The following WARS2 variants were observed in gnomAD, a reference collection of about 807,000 sequenced individuals.
WARS2 encodes tryptophan--tRNA ligase, mitochondrial.
In WARS2, 28 loss-of-function variants were observed where a neutral mutation model predicts 36.5. The ratio of observed to expected loss-of-function variants is 0.77; its 90% CI spans 0.57 to 1.05. The LOEUF (loss-of-function observed/expected upper bound fraction) is 1.05. Among genes scored for constraint, WARS2 ranks in the 50% least tolerant of loss-of-function variants. The pLI, the probability that WARS2 is intolerant of heterozygous loss-of-function variation, is 0.00. For synonymous variants in WARS2, 174 were observed against 178.4 expected, an observed-to-expected ratio of 0.98 and a Z score of 0.20; for missense variants, 435 against 456.8, an observed-to-expected ratio of 0.95 and a Z score of 0.44.
intron 1 of WARS2, among the ~76,000 whole-genome samples, chr1:119,098,389 A>G (rs1055823895): frequency 6.6e-6 from 1 of 152,216 alleles, no homozygotes; most frequent in Non-Finnish European, 1.5e-5. Context: ...CTCACTTTAA[A>G]GTTCAGAGTA....
Position 119,033,332 on chromosome 1 carries a change from C to T in WARS2, c.662G>A (p.Arg221His). 13 of 1,614,186 alleles carry T rather than the reference C, an allele frequency of 8.1e-6. No homozygotes were observed. The highest frequency in any genetic ancestry group is 1.1e-5 in the Non-Finnish European group (13 of 1,180,038). Residue 221 changes from arginine (R) to histidine (H), a missense_variant, in exon 6 of 6, where the codon CGT becomes CAT. By Grantham distance (29) the Arg-to-His change is conservative (BLOSUM62 0). Transcript: ENST00000235521. ...LTSMKKVKSL[R>H]DPSAKMSKSD... ...TTTCGACATTTTGGCAGAAGGATCA[C>T]GTAGGGATTTTACCTTCTTCATGGA...
At chr1:119,068,762 A>G (rs1651068699) in intron 2 of WARS2, among the ~76,000 whole-genome samples, 1 of 152,086 alleles carries the variant, frequency 6.6e-6, no homozygotes, top group Non-Finnish European at 1.5e-5. Context: ...GTGGGGATGG[A>G]AACCTCTGCT....
chr1:119,137,750 C>A, intron 1 of WARS2, among the ~76,000 whole-genome samples: 1 of 152,074 alleles, frequency 6.6e-6, no homozygotes, highest in East Asian at 1.9e-4. Flanking sequence ...CAAAATAAAC[C>A]GTTTTCATAT....
At chr1:119,114,135 C>T (rs747022022) in intron 1 of WARS2, among the ~76,000 whole-genome samples, 4 of 152,152 alleles carry the variant, frequency 2.6e-5, no homozygotes, top group African/African-American at 4.8e-5. Context: ...TTAAGTAACT[C>T]AGGTAGGAGA....
At chr1:119,071,217 A>G (rs1336757507) in intron 2 of WARS2, among the ~76,000 whole-genome samples, 1 of 152,216 alleles carries the variant, frequency 6.6e-6, no homozygotes, top group Non-Finnish European at 1.5e-5. Context: ...ATGTGGAGAA[A>G]AGGGAACCCA....
intron 1 of WARS2, among the ~76,000 whole-genome samples, chr1:119,090,347 C>T (rs1002213204): frequency 2.0e-5 from 3 of 152,062 alleles, no homozygotes; most frequent in Admixed American, 1.3e-4. Context: ...GCTGTGCTTC[C>T]TTGTACAAAT....
chr1:119,138,604 G>A (rs191414522), intron 1 of WARS2, among the ~76,000 whole-genome samples: 1 of 151,792 alleles, frequency 6.6e-6, no homozygotes, highest in Non-Finnish European at 1.5e-5. Context: ...CTATGTATAC[G>A]TTTATATAAA....
chr1:119,104,975 A>T (rs1414738923), intron 1 of WARS2, among the ~76,000 whole-genome samples: 1 of 152,186 alleles, frequency 6.6e-6, no homozygotes, highest in Non-Finnish European at 1.5e-5. Flanking sequence ...AATCAGATTT[A>T]TATTTTACAA....
intron 1 of WARS2, among the ~76,000 whole-genome samples, chr1:119,122,771 G>A (rs1010584227): frequency 2.6e-5 from 4 of 152,150 alleles, no homozygotes; most frequent in Non-Finnish European, 5.9e-5. Context: ...ACTATTCTAA[G>A]TGAAGTAACT....
chr1:119,039,768 C>G (rs67639146), intron 4 of WARS2, among the ~76,000 whole-genome samples: 9,004 of 152,064 alleles, frequency 0.059, 305 homozygotes, highest in South Asian at 0.11. Context: ...TCTGACCCAC[C>G]ATGCCACTCA....
At chr1:119,082,367 T>G in intron 1 of WARS2, 1 of 985,420 alleles carries the variant, frequency 1.0e-6, no homozygotes, top group Non-Finnish European at 1.2e-6. Context: ...ATGGAATGCT[T>G]TTGCACATGT....
intron 1 of WARS2, among the ~76,000 whole-genome samples, chr1:119,128,069 T>A (rs587770160): frequency 6.3e-4 from 96 of 152,290 alleles, no homozygotes; most frequent in Middle Eastern, 3.4e-3. Context: ...TTCTTTTTTT[T>A]AAAATTTTTT....
intron 1 of WARS2, among the ~76,000 whole-genome samples, chr1:119,100,600 T>C (rs1435870833): frequency 6.6e-6 from 1 of 152,202 alleles, no homozygotes. Flanking sequence ...AATGGTATGC[T>C]ACTCAGACAT....
chr1:119,052,051 C>T (rs1484736132), intron 2 of WARS2, among the ~76,000 whole-genome samples: 3 of 152,082 alleles, frequency 2.0e-5, no homozygotes, highest in Non-Finnish European at 4.4e-5. Context: ...TAAGTCACCG[C>T]ACCCGGCCCT....
chr1:119,114,270 T>A (rs1654826810), intron 1 of WARS2, among the ~76,000 whole-genome samples: 1 of 152,170 alleles, frequency 6.6e-6, no homozygotes, highest in African/African-American at 2.4e-5. Flanking sequence ...GTCGCCAACC[T>A]ACAGAAAGGG....
At chr1:119,102,960 C>T (rs1424728744) in intron 1 of WARS2, among the ~76,000 whole-genome samples, 1 of 152,284 alleles carries the variant, frequency 6.6e-6, no homozygotes, top group African/African-American at 2.4e-5. Context: ...TCTGATTTCT[C>T]TAATTTTGTC....
chr1:119,131,063 A>T (rs1442672764), intron 1 of WARS2, among the ~76,000 whole-genome samples: 1 of 152,250 alleles, frequency 6.6e-6, no homozygotes, highest in Non-Finnish European at 1.5e-5. Context: ...CAGAGACAGA[A>T]TATAAAGGAT....
intron 1 of WARS2, among the ~76,000 whole-genome samples, chr1:119,105,612 A>G (rs990933219): frequency 4.6e-5 from 7 of 152,146 alleles, no homozygotes; most frequent in African/African-American, 9.7e-5. Flanking sequence ...AAACCAAGGC[A>G]TTAAAAAAGG....
At chr1:119,073,894 G>C (rs1475701886) in intron 2 of WARS2, among the ~76,000 whole-genome samples, 2 of 152,142 alleles carry the variant, frequency 1.3e-5, no homozygotes, top group Non-Finnish European at 2.9e-5. Context: ...CTGAGAGATT[G>C]AGCTCAAAGT....
Sources: allele counts gnomAD v4.1 joint callset (sites outside exome capture counted in the v4.1 genomes callset), GRCh38; gene constraint gnomAD v4.1.1; transcripts MANE v1.5; gene names NCBI Gene and HGNC (gene_info 2026-07-23, HGNC 2026-07-21).